The following TRIM77 variants were observed in gnomAD, a reference collection of about 807,000 sequenced individuals.
TRIM77 encodes tripartite motif-containing protein 77.
A neutral mutation model predicts 31.8 loss-of-function variants in TRIM77; 23 were observed. That is an observed-to-expected ratio of 0.72 (90% CI 0.52 to 1.02). TRIM77 has a LOEUF of 1.02. Ranked by LOEUF, TRIM77 falls within the 50% of genes least tolerant of loss-of-function variation. The probability of loss-of-function intolerance (pLI) is 0.00; values close to 1 mark genes in which losing one functional copy is unlikely to be tolerated. For synonymous variants in TRIM77, 159 were observed against 183.1 expected (o/e 0.87, Z 1.06); for missense variants, 446 against 539.2 (o/e 0.83, Z 1.71).
intron 5 of TRIM77, among the ~76,000 whole-genome samples, chr11:89,717,036 AT>A (rs202222162): frequency 0.021 from 3,162 of 152,042 alleles, 58 homozygotes; most frequent in African/African-American, 0.043. Context: ...TTAAAGATTC[AT>A]TTGCCCTGCA....
At chr11:89,713,827 A>G (rs578004280) in intron 2 of TRIM77, among the ~76,000 whole-genome samples, 1 of 152,256 alleles carries the variant, frequency 6.6e-6, no homozygotes, top group African/African-American at 2.4e-5. Flanking sequence ...TATGTTCTCT[A>G]TTTTCCTGAG....
chr11:89,717,867 AAAT>A (rs1348395912), exon 6 of TRIM77: 4 of 1,529,804 alleles, frequency 2.6e-6, no homozygotes, highest in African/African-American at 4.1e-5. Flanking sequence ...CCACGGATCT[AAAT>A]AATCAGGGAC....
intron 3 of TRIM77, 64 bp from the exon 4 acceptor site, chr11:89,715,094 G>A (rs942128939): frequency 6.7e-7 from 1 of 1,501,166 alleles, no homozygotes; most frequent in Non-Finnish European, 9.1e-7. Flanking sequence ...CAGACTGCAT[G>A]TCTAGGATAT....
At chr11:89,713,875 G>T (rs1368950212) in intron 2 of TRIM77, among the ~76,000 whole-genome samples, 1 of 151,984 alleles carries the variant, frequency 6.6e-6, no homozygotes, top group Non-Finnish European at 1.5e-5. Context: ...TGAGAAAAAT[G>T]GAATAAAATT....
At chr11:89,710,743 T>C (rs1427604978) in intron 1 of TRIM77, 34 bp downstream of exon 1, 2 of 1,441,022 alleles carry the variant, frequency 1.4e-6, no homozygotes, top group Admixed American at 2.5e-5. Flanking sequence ...CTTTGAAATG[T>C]GAAGAACCCT....
chr11:89,711,534 C>A (rs1447995456), intron 2 of TRIM77, 29 bp downstream of exon 2: 7 of 1,286,308 alleles, frequency 5.4e-6, no homozygotes, highest in African/African-American at 1.5e-5. Flanking sequence ...TCTCTCAGAA[C>A]CAGTTTGGAA....
chr11:89,713,505 T>C (rs1949138902), intron 2 of TRIM77, among the ~76,000 whole-genome samples: 1 of 140,168 alleles, frequency 7.1e-6, no homozygotes, highest in South Asian at 2.2e-4. Flanking sequence ...AATAATAATA[T>C]AATTGAGTGA....
At chr11:89,715,727 G>C (rs540279683) in intron 4 of TRIM77, among the ~76,000 whole-genome samples, 163 bp from the exon 5 acceptor site, 25 of 152,180 alleles carry the variant, frequency 1.6e-4, no homozygotes, top group Non-Finnish European at 3.5e-4. Context: ...AAAAGCAGCA[G>C]AGCACATTGT....
At chr11:89,715,264 A>T in intron 4 of TRIM77, 84 bp downstream of exon 4, 1 of 1,239,150 alleles carries the variant, frequency 8.1e-7, no homozygotes, top group Non-Finnish European at 1.2e-6. Context: ...ACTTTTAGTG[A>T]GGAATTTCTG....
chr11:89,713,409 T>C (rs1273620223), intron 2 of TRIM77, among the ~76,000 whole-genome samples: 1 of 148,526 alleles, frequency 6.7e-6, no homozygotes, highest in East Asian at 2.0e-4. Flanking sequence ...TGAGCCATGA[T>C]TGCACCACCA....
At chr11:89,715,046 G>A (rs1794291868) in intron 3 of TRIM77, 112 bp from the exon 4 acceptor site, 4 of 976,248 alleles carry the variant, frequency 4.1e-6, no homozygotes, top group Non-Finnish European at 1.5e-6. Flanking sequence ...AAGAAGGAAA[G>A]TGGAAGACGT....
Position 89,710,320 on chromosome 11 carries a change from T to C in TRIM77, c.22T>C (p.Cys8Arg), listed in dbSNP as rs1949112376. The change falls in exon 1 of 6, where the codon TGT becomes CGT. Residue 8 changes from cysteine (C) to arginine (R), a missense_variant. Coordinates refer to ENST00000398290, the MANE Select transcript of TRIM77 (RefSeq NM_001146162.1). MASAITQ[C>R]STSELTCSIC... Reference sequence around the variant, plus strand: ...AAACATGGCTTCTGCTATCACGCAGTGTTCTACCAGTGAGCTCACCTGCTC... The same window carrying C: ...AAACATGGCTTCTGCTATCACGCAGCGTTCTACCAGTGAGCTCACCTGCTC... 2.0e-6 allele frequency: 3 copies of C among 1,532,436 alleles called. No homozygotes were observed. The highest frequency in any genetic ancestry group is 2.7e-6 in the Non-Finnish European group (3 of 1,131,110). The allele number at this position is 1,532,436 out of a possible 1,614,324, so 94.9% of individuals were successfully genotyped here. A position where few individuals can be genotyped will look rare whatever the true frequency, so the allele number is the denominator to read the frequency against.
chr11:89,710,530 A>T lies in TRIM77; in HGVS notation c.232A>T (p.Arg78Ter). ...TGCTGAGAAACAAGTTATTCCTACA[A>T]GAGAATCAGTCCCCTGCCAGTTATC... ...IFAEKQVIPT[R>*]ESVPCQLSSS... is the part of the protein sequence containing the mutation. The change falls in exon 1 of 6, where the codon AGA (arginine) becomes TGA (stop). Residue 78 changes from arginine to a stop codon, truncating the protein, a stop_gained. Coordinates refer to ENST00000398290, the MANE Select transcript of TRIM77 (RefSeq NM_001146162.1). LOFTEE classifies it high-confidence loss of function. The T allele has an allele frequency of 6.4e-7, 1 of 1,551,712 alleles. No homozygotes were observed.
chr11:89,714,282 A>T lies in TRIM77; in HGVS notation c.598A>T (p.Ser200Cys), dbSNP rs1229514254. ...TGAAGAAGAGCAAAAGCACGTAGAG[A>T]GCCTGGCAAGAGAAGGCAGGATAAT... ...LREEEQKHVE[S>C]LAREGRIIFQ... Residue 200 changes from serine (S) to cysteine (C), a missense_variant, in exon 3 of 6, where the codon AGC becomes TGC. By Grantham distance (112) the Ser-to-Cys change is moderately radical (BLOSUM62 -1). Coordinates refer to ENST00000398290, the MANE Select transcript of TRIM77 (RefSeq NM_001146162.1). 3 of 1,551,628 alleles carry T rather than the reference A, an allele frequency of 1.9e-6. No homozygotes were observed. The highest frequency in any genetic ancestry group is 2.6e-6 in the Non-Finnish European group (3 of 1,147,002).
At position 89,717,386 on chromosome 11, in the gene TRIM77, CA is replaced by C. The variant is rs1949168851; in HGVS notation, c.868del (p.Thr290ProfsTer17). The C allele has an allele frequency of 6.5e-7, 1 of 1,546,852 alleles. No homozygotes were observed. On this transcript the variant is annotated frameshift_variant, in exon 6 of 6. Transcript: ENST00000398290. LOFTEE classifies it low-confidence loss of function (END_TRUNC). ...ERLNFFRVYI[T>X]LDRKICSNHK... Reference sequence around the variant, plus strand: ...TGTTTTCTTTTGCCATAGTGTATATCACCTTGGATCGTAAGATATGCAGTAA... The same window carrying C: ...TGTTTTCTTTTGCCATAGTGTATATCCCTTGGATCGTAAGATATGCAGTAA...
chr11:89,713,234 C>T (rs1402050018), intron 2 of TRIM77, among the ~76,000 whole-genome samples: 1 of 147,694 alleles, frequency 6.8e-6, no homozygotes, highest in Non-Finnish European at 1.5e-5. Context: ...TGAGATCATG[C>T]CACTGCACTC....
intron 5 of TRIM77, 98 bp downstream of exon 5, chr11:89,716,085 T>C (rs1565426494): frequency 1.6e-6 from 1 of 616,136 alleles, no homozygotes; most frequent in Admixed American, 3.7e-5. Context: ...GTCTCTATTA[T>C]TATTTTCAGT....
chr11:89,714,207 C>T lies in TRIM77; in HGVS notation c.523C>T (p.Arg175Trp), dbSNP rs17221124. 133,263 of 1,545,820 alleles carry T rather than the reference C, an allele frequency of 0.086. 6,485 individuals are homozygous for T. The highest frequency in any genetic ancestry group is 0.1 in the Non-Finnish European group (117,040 of 1,144,092). ...ATCACTACAGGTTTTTATAAATTTG[C>T]GGAGCATGATGATCAGTGCTGAATA... ...IGTWEVFINLRSMMISAEYPK... is the reference protein window; with the variant it reads ...IGTWEVFINLWSMMISAEYPK... Residue 175 changes from arginine to tryptophan, a missense_variant, in exon 3 of 6, where the codon CGG becomes TGG. Physicochemically the swap from Arg to Trp is moderately radical, Grantham distance 101. This residue lies in a region of TRIM77 where 366 missense variants were observed against 447.9 expected (regional missense o/e 0.82). Coordinates refer to ENST00000398290, the MANE Select transcript of TRIM77 (RefSeq NM_001146162.1).
intron 2 of TRIM77, 113 bp downstream of exon 2, chr11:89,711,618 C>A (rs949450215): frequency 4.8e-6 from 3 of 628,246 alleles, no homozygotes; most frequent in Non-Finnish European, 8.4e-6. Context: ...AGAAAAAGGA[C>A]CTACATGTGT....
Sources: allele counts gnomAD v4.1 joint callset (sites outside exome capture counted in the v4.1 genomes callset), GRCh38; gene constraint gnomAD v4.1.1; regional missense constraint gnomAD v4.1.1; transcripts MANE v1.5; gene names NCBI Gene and HGNC (gene_info 2026-07-23, HGNC 2026-07-21).